Variants in DLG1 observed in about 807,000 individuals in gnomAD.
The protein encoded by DLG1 is disks large homolog 1.
A neutral mutation model predicts 123.4 loss-of-function variants in DLG1; 42 were observed. The observed-to-expected ratio is 0.34, with a 90% confidence interval of 0.27 to 0.44. DLG1 has a LOEUF of 0.44. Ranked by LOEUF, DLG1 falls within the 20% of genes least tolerant of loss-of-function variation. The probability of loss-of-function intolerance (pLI) is 1.00; values close to 1 mark genes in which losing one functional copy is unlikely to be tolerated. For synonymous variants in DLG1, 317 were observed against 356.2 expected, an observed-to-expected ratio of 0.89 and a Z score of 1.24; for missense variants, 942 against 1,082.6, an observed-to-expected ratio of 0.87 and a Z score of 1.82.
At chr3:197,147,502 T>A (rs1791514746) in intron 6 of DLG1, among the ~76,000 whole-genome samples, 1 of 149,628 alleles carries the variant, frequency 6.7e-6, no homozygotes, top group South Asian at 2.1e-4. Context: ...TAAAAAGGAA[T>A]GAAATAATGG....
intron 13 of DLG1, among the ~76,000 whole-genome samples, chr3:197,107,779 T>C (rs1416309948): frequency 6.6e-6 from 1 of 151,736 alleles, no homozygotes; most frequent in Non-Finnish European, 1.5e-5. Flanking sequence ...ACAGAAATAG[T>C]TTTCTTGCTT....
intron 22 of DLG1, among the ~76,000 whole-genome samples, chr3:197,061,440 A>T (rs1410910695): frequency 6.6e-6 from 1 of 152,212 alleles, no homozygotes; most frequent in East Asian, 1.9e-4. Context: ...ACATAATCAC[A>T]ATATGATTCC....
At chr3:197,285,913 G>C (rs942063741) in intron 3 of DLG1, among the ~76,000 whole-genome samples, 1 of 152,180 alleles carries the variant, frequency 6.6e-6, no homozygotes, top group African/African-American at 2.4e-5. Flanking sequence ...GTCAACTCAA[G>C]ACCCTGCACA....
intron 4 of DLG1, among the ~76,000 whole-genome samples, chr3:197,274,984 A>T (rs1470493610): frequency 6.6e-6 from 1 of 152,174 alleles, no homozygotes; most frequent in Non-Finnish European, 1.5e-5. Flanking sequence ...GGACTTCAAG[A>T]CCAGCTCAGC....
chr3:197,077,234 T>TAC (rs1400467768), intron 17 of DLG1, among the ~76,000 whole-genome samples: 2 of 150,632 alleles, frequency 1.3e-5, no homozygotes, highest in Non-Finnish European at 3.0e-5. Context: ...AAAACAAATA[T>TAC]ATATATATTT....
At chr3:197,270,544 T>C (rs376016131) in intron 4 of DLG1, among the ~76,000 whole-genome samples, 2 of 152,134 alleles carry the variant, frequency 1.3e-5, no homozygotes, top group East Asian at 1.9e-4. Flanking sequence ...AACTAATAAC[T>C]ACAAACAGAA....
At position 197,085,774 on chromosome 3, in the gene DLG1, A is replaced by G. The variant is rs752695884; in HGVS notation, c.1662-18T>C. On this transcript the variant is annotated intron_variant, in intron 15 of 24. Transcript: ENST00000667157. The stretch of plus-strand genomic sequence containing the variant: ...AAAGGGCTCTAGAGTCAGAAGAAAA[A>G]AAGTCCATAATCACTTGTTATAATA... 6.2e-7 allele frequency: 1 copy of G among 1,602,332 alleles called. No individual in the cohort carries two copies. The highest frequency in any genetic ancestry group is 1.1e-5 in the South Asian group (1 of 89,178).
intron 5 of DLG1, among the ~76,000 whole-genome samples, chr3:197,153,921 C>A (rs1023281999): frequency 2.0e-5 from 3 of 151,920 alleles, no homozygotes; most frequent in Non-Finnish European, 4.4e-5. Flanking sequence ...TTCAGAGTTA[C>A]CAAATTATTA....
chr3:197,115,621 T>C (rs1167038111), intron 13 of DLG1, among the ~76,000 whole-genome samples: 2 of 152,134 alleles, frequency 1.3e-5, no homozygotes, highest in African/African-American at 4.8e-5. Flanking sequence ...AGGTAACAGA[T>C]TAAAGTATAA....
intron 4 of DLG1, 56 bp downstream of exon 4, chr3:197,282,615 AAACATAGT>A (rs1222089347): frequency 4.7e-6 from 5 of 1,074,116 alleles, no homozygotes; most frequent in Non-Finnish European, 6.3e-6. Flanking sequence ...TAAAATAAAG[AAACATAGT>A]AACATAAATA....
Position 197,222,973 on chromosome 3 carries a change from C to T in DLG1, c.319-28384G>A, listed in dbSNP as rs529500204. On this transcript the variant is annotated intron_variant, in intron 4 of 24. Transcript: ENST00000667157. Reference sequence around the variant, plus strand: ...ATAAGTTTCTGATCGTCACATACCTCATTTCCTCCTAGGGACCTTAGGCTC... The same window carrying T: ...ATAAGTTTCTGATCGTCACATACCTTATTTCCTCCTAGGGACCTTAGGCTC... Among the ~76,000 whole-genome samples the T allele has an allele frequency of 3.3e-4, 50 of 152,290 alleles. No individual in the cohort carries two copies. In the South Asian group the frequency reaches 0.01, roughly 32 times the overall value.
In DLG1 at chr3:197,268,528, T is replaced by C. The variant is rs561206745; in HGVS notation, c.318+14151A>G. On this transcript the variant is annotated intron_variant, in intron 4 of 24. Coordinates refer to ENST00000667157, the MANE Select transcript of DLG1 (RefSeq NM_001366207.1). ...TTGACCTCCTGGGCTCAAGCAATTC[T>C]CCCACCTCATCCTCCCACGTAGCTG... Among the ~76,000 whole-genome samples the C allele has an allele frequency of 2.0e-5, 3 of 151,832 alleles. No homozygotes were observed. In the East Asian group the frequency reaches 5.8e-4, roughly 29 times the overall value.
At chr3:197,122,938 T>C (rs1188318253) in intron 11 of DLG1, among the ~76,000 whole-genome samples, 1 of 152,098 alleles carries the variant, frequency 6.6e-6, no homozygotes, top group Admixed American at 6.5e-5. Context: ...CAATATTTAT[T>C]ATAAAATTAT....
intron 3 of DLG1, among the ~76,000 whole-genome samples, chr3:197,292,912 C>T (rs2151262942): frequency 6.6e-6 from 1 of 152,254 alleles, no homozygotes; most frequent in African/African-American, 2.4e-5. Flanking sequence ...TTCTCTGATC[C>T]CGTAAGAAAT....
intron 14 of DLG1, 106 bp downstream of exon 14, chr3:197,104,797 C>A: frequency 8.9e-6 from 7 of 786,494 alleles, no homozygotes; most frequent in East Asian, 2.8e-5. Context: ...AAAAAAAGCA[C>A]AAAAAAGGAA....
At position 197,164,449 on chromosome 3, in the gene DLG1, AC is replaced by A. The variant is rs377548499; in HGVS notation, c.484-14654del. The stretch of plus-strand genomic sequence containing the variant: ...TTTGACTTAGTAATTCTAGAAATCT[AC>A]CCTAAGGAAATAATTTTAAAAGCCT... On this transcript the variant is annotated intron_variant, in intron 5 of 24. Coordinates refer to ENST00000667157, the MANE Select transcript of DLG1 (RefSeq NM_001366207.1). 2.9e-3 allele frequency among the ~76,000 whole-genome samples: 441 copies of A among 152,092 alleles called. 3 individuals are homozygous for A. The highest frequency in any genetic ancestry group is 6.2e-3 in the South Asian group (30 of 4,822).
intron 24 of DLG1, among the ~76,000 whole-genome samples, chr3:197,049,367 G>A (rs978487610): frequency 6.6e-6 from 1 of 152,130 alleles, no homozygotes; most frequent in African/African-American, 2.4e-5. Context: ...GAAAACCAAA[G>A]GAAAATAAAT....
intron 4 of DLG1, among the ~76,000 whole-genome samples, chr3:197,274,495 T>TACGACACGAC (rs567690670): frequency 4.3e-4 from 63 of 148,164 alleles, no homozygotes; most frequent in African/African-American, 9.6e-4. Flanking sequence ...AAAGATACAA[T>TACGACACGAC]ACGACACGAC....
chr3:197,115,830 T>C (rs1772991144), intron 13 of DLG1, 97 bp downstream of exon 13: 1 of 1,165,708 alleles, frequency 8.6e-7, no homozygotes, highest in South Asian at 1.4e-5. Flanking sequence ...AACCAAGATA[T>C]CCCCATTACT....
Sources: allele counts gnomAD v4.1 joint callset (sites outside exome capture counted in the v4.1 genomes callset), GRCh38; gene constraint gnomAD v4.1.1; transcripts MANE v1.5; gene names NCBI Gene and HGNC (gene_info 2026-07-23, HGNC 2026-07-21).